EFCAB6: variants seen among roughly 807,000 people sequenced by gnomAD.
EFCAB6 encodes the protein EF-hand calcium-binding domain-containing protein 6.
Under a neutral mutation model 169.8 loss-of-function variants are expected in EFCAB6, and 156 were observed. That is an observed-to-expected ratio of 0.92 (90% CI 0.81 to 1.05). The LOEUF (loss-of-function observed/expected upper bound fraction) is 1.05, where lower values mean the gene tolerates loss of function less well. Among genes scored for constraint, EFCAB6 ranks in the 50% least tolerant of loss-of-function variants. The pLI is 0.00. For synonymous variants in EFCAB6, 698 were observed against 676.4 expected (o/e 1.03, Z -0.50); for missense variants, 1,800 against 1,829.1 (o/e 0.98, Z 0.29).
At position 43,772,889 on chromosome 22, in the gene EFCAB6, C is replaced by G; in HGVS notation, c.351+3G>C. On this transcript the variant is annotated splice_donor_region_variant and intron_variant, in intron 4 of 31. Transcript: ENST00000262726. ...GATTCTAAGTATGTACAACATACAG[C>G]ACCTGAGCCAACACGTCCTGAAACT... The G allele has an allele frequency of 6.2e-7, 1 of 1,614,150 alleles. No homozygotes were observed. Among genetic ancestry groups the G allele is most frequent in the Non-Finnish European group, 8.5e-7 (1 of 1,180,014 alleles).
rs58130994 is a variant in EFCAB6 at position 43,599,509 on chromosome 22, C to CAAAAAAAAAA, written c.2876+550_2876+559dup. Among the ~76,000 whole-genome samples, 17 of 44,244 alleles carry CAAAAAAAAAA rather than the reference C, an allele frequency of 3.8e-4. 3 individuals are homozygous for CAAAAAAAAAA. Among genetic ancestry groups the CAAAAAAAAAA allele is most frequent in the East Asian group, 9.4e-4 (1 of 1,062 alleles). The allele number at this position is 44,244 out of a possible 152,430, so 29.0% of individuals were successfully genotyped here. A position where few individuals can be genotyped will look rare whatever the true frequency, so the allele number is the denominator to read the frequency against. On this transcript the variant is annotated intron_variant, in intron 23 of 31. Transcript: ENST00000262726. The stretch of plus-strand genomic sequence containing the variant: ...TGGGAGACAGAGTGAGATTCCATCT[C>CAAAAAAAAAA]AAAAAAAAAAAAAAAAAAAAAAAAA...
Position 43,530,919 on chromosome 22 carries a change from G to C in EFCAB6, c.4279C>G (p.Arg1427Gly). The C allele has an allele frequency of 6.2e-7, 1 of 1,614,248 alleles. No individual in the cohort carries two copies. The highest frequency in any genetic ancestry group is 8.5e-7 in the Non-Finnish European group (1 of 1,180,048). Residue 1427 changes from arginine (R) to glycine (G), a missense_variant, in exon 31 of 32, where the codon CGT becomes GGT. By Grantham distance (125) the Arg-to-Gly change is moderately radical. Transcript: ENST00000262726. ...CAGTGCACAATTTTGGGCTGAATAC[G>C]CAGCAGAGCAGAGTAAAAAGATGGC... ...ETPSFYSALL[R>G]IQPKIVHCWR... is the part of the protein sequence containing the mutation.
intron 6 of EFCAB6, among the ~76,000 whole-genome samples, chr22:43,739,684 G>T (rs955142032): frequency 6.6e-6 from 1 of 152,012 alleles, no homozygotes; most frequent in East Asian, 1.9e-4. Context: ...CCATTCTACT[G>T]GATTCCTTTT....
At chr22:43,590,049 CAT>C (rs141325172) in intron 24 of EFCAB6, 23 bp downstream of exon 24, 88,333 of 1,602,400 alleles carry the variant, frequency 0.055, 2,861 homozygotes, top group Admixed American at 0.099. Flanking sequence ...CCATGAGAAA[CAT>C]ATTTAACTGA....
chr22:43,586,340 ATTTTTT>A (rs36058832), intron 24 of EFCAB6, among the ~76,000 whole-genome samples: 14,664 of 72,938 alleles, frequency 0.2, 867 homozygotes, highest in South Asian at 0.38. Flanking sequence ...GCAACAACTG[ATTTTTT>A]TTTTTTTTTT....
intron 6 of EFCAB6, among the ~76,000 whole-genome samples, chr22:43,738,119 T>C (rs765327984): frequency 1.2e-4 from 17 of 140,266 alleles, no homozygotes; most frequent in Non-Finnish European, 2.3e-4. Flanking sequence ...CACACACATA[T>C]ATTCATACAC....
chr22:43,774,139 G>T (rs916402856), intron 3 of EFCAB6, among the ~76,000 whole-genome samples: 7 of 152,026 alleles, frequency 4.6e-5, no homozygotes, highest in African/African-American at 1.7e-4. Flanking sequence ...GAGGATGCTA[G>T]TTCTTTCCCT....
chr22:43,606,832 T>A (rs370917812), intron 22 of EFCAB6, among the ~76,000 whole-genome samples: 1 of 152,212 alleles, frequency 6.6e-6, no homozygotes, highest in Non-Finnish European at 1.5e-5. Flanking sequence ...CCACCTCCAA[T>A]TGAAATGGAA....
At chr22:43,689,352 C>CAA (rs770301293) in intron 10 of EFCAB6, among the ~76,000 whole-genome samples, 48 of 149,762 alleles carry the variant, frequency 3.2e-4, no homozygotes, top group South Asian at 1.3e-3. Context: ...AGCACGTGCA[C>CAA]ACACACACAC....
At chr22:43,703,904 T>C (rs866650922) in intron 10 of EFCAB6, among the ~76,000 whole-genome samples, 3 of 147,996 alleles carry the variant, frequency 2.0e-5, no homozygotes, top group Non-Finnish European at 4.5e-5. Flanking sequence ...ATACACATAA[T>C]AGAAATTCAA....
intron 27 of EFCAB6, chr22:43,553,351 A>G (rs2048496998): frequency 6.6e-6 from 1 of 152,242 alleles, no homozygotes; most frequent in African/African-American, 2.4e-5. Flanking sequence ...AGTCTGAATT[A>G]TTCTCTGGGA....
intron 4 of EFCAB6, among the ~76,000 whole-genome samples, chr22:43,770,642 A>G (rs1041649880): frequency 5.9e-5 from 9 of 152,234 alleles, no homozygotes; most frequent in African/African-American, 1.7e-4. Flanking sequence ...AATGAAGATG[A>G]TAAGAGTCGG....
intron 9 of EFCAB6, among the ~76,000 whole-genome samples, chr22:43,714,290 A>C (rs2033296173): frequency 6.6e-6 from 1 of 152,120 alleles, no homozygotes; most frequent in South Asian, 2.1e-4. Flanking sequence ...GGAGAGGCAA[A>C]GATGATCCAA....
intron 24 of EFCAB6, among the ~76,000 whole-genome samples, chr22:43,587,603 C>T (rs965728296): frequency 1.3e-5 from 2 of 151,878 alleles, no homozygotes; most frequent in African/African-American, 4.9e-5. Context: ...TGTCAAATCT[C>T]CCTCTGCCTC....
intron 26 of EFCAB6, among the ~76,000 whole-genome samples, chr22:43,570,888 C>A (rs921759614): frequency 1.3e-5 from 2 of 152,352 alleles, no homozygotes; most frequent in South Asian, 4.1e-4. Context: ...TTCTGCACAG[C>A]AAGACCCCTG....
In EFCAB6 at chr22:43,748,580, T is replaced by C. The variant is rs575566304; in HGVS notation, c.507+7186A>G. ...TTGTTCCTGGCTATTCCAAGGAATA[T>C]GAACTTTTCTACAAAACTTTCTTTA... On this transcript the variant is annotated intron_variant, in intron 6 of 31. Transcript: ENST00000262726. Among the ~76,000 whole-genome samples, 10 of 152,292 alleles carry C rather than the reference T, an allele frequency of 6.6e-5. No homozygotes were observed. The East Asian group carries it at 1.9e-3, about 29-fold the overall frequency.
At chr22:43,647,915 G>A (rs1010877023) in intron 17 of EFCAB6, among the ~76,000 whole-genome samples, 2 of 152,154 alleles carry the variant, frequency 1.3e-5, no homozygotes, top group Non-Finnish European at 2.9e-5. Flanking sequence ...TGGCTCTGCT[G>A]ACACCTTGAT....
intron 6 of EFCAB6, among the ~76,000 whole-genome samples, chr22:43,748,575 G>A (rs906903148): frequency 3.9e-5 from 6 of 152,042 alleles, no homozygotes; most frequent in African/African-American, 1.5e-4. Context: ...CTATTCCAAG[G>A]AATATGAACT....
chr22:43,765,457 A>G (rs983906305), intron 4 of EFCAB6, 64 bp from the exon 5 acceptor site: 2 of 1,271,142 alleles, frequency 1.6e-6, no homozygotes, highest in Non-Finnish European at 2.3e-6. Context: ...TAGACGGTAA[A>G]GCAGATTTCT....
Sources: allele counts gnomAD v4.1 joint callset (sites outside exome capture counted in the v4.1 genomes callset), GRCh38; gene constraint gnomAD v4.1.1; transcripts MANE v1.5; gene names NCBI Gene and HGNC (gene_info 2026-07-23, HGNC 2026-07-21).